NDUFAF6: variants seen among roughly 807,000 people sequenced by gnomAD.
NDUFAF6 encodes NADH dehydrogenase (ubiquinone) complex I, assembly factor 6.
A neutral mutation model predicts 40.8 loss-of-function variants in NDUFAF6; 45 were observed. That is an observed-to-expected ratio of 1.10 (90% CI 0.87 to 1.42). The LOEUF is 1.42. Ranked by LOEUF, NDUFAF6 falls within the 40% of genes most tolerant of loss-of-function variation. The pLI is 0.00. For synonymous variants in NDUFAF6, 185 were observed against 155.9 expected, an observed-to-expected ratio of 1.19 and a Z score of -1.39; for missense variants, 435 against 418.5, an observed-to-expected ratio of 1.04 and a Z score of -0.34.
chr8:94,943,276 C>T (rs1821714208), intron 1 of NDUFAF6, among the ~76,000 whole-genome samples: 1 of 152,082 alleles, frequency 6.6e-6, no homozygotes, highest in Non-Finnish European at 1.5e-5. Flanking sequence ...AATGCTTGAG[C>T]CTAGGAGTTG....
At chr8:95,081,610 C>T (rs747248637) in intron 2 of NDUFAF6, among the ~76,000 whole-genome samples, 8 of 152,002 alleles carry the variant, frequency 5.3e-5, no homozygotes, top group East Asian at 1.9e-4. Flanking sequence ...CCACGGACTC[C>T]GATAATACTC....
At chr8:94,992,258 G>T (rs1306991837) in intron 2 of NDUFAF6, among the ~76,000 whole-genome samples, 1 of 152,066 alleles carries the variant, frequency 6.6e-6, no homozygotes, top group Non-Finnish European at 1.5e-5. Flanking sequence ...GAGGCCAAGG[G>T]GGGCAGATCA....
chr8:94,990,807 A>G (rs920259943), intron 2 of NDUFAF6, among the ~76,000 whole-genome samples: 1 of 152,254 alleles, frequency 6.6e-6, no homozygotes, highest in African/African-American at 2.4e-5. Flanking sequence ...GCTCTAGGAC[A>G]CACAAGGGAA....
upstream of NDUFAF6, among the ~76,000 whole-genome samples, chr8:95,022,700 C>T (rs1459247257): frequency 6.6e-6 from 1 of 151,812 alleles, no homozygotes. Context: ...ATGGGGAAGG[C>T]CTTTTTAAAG....
At chr8:94,953,700 A>G (rs2131438126), upstream of NDUFAF6, among the ~76,000 whole-genome samples, 1 of 152,354 alleles carries the variant, frequency 6.6e-6, no homozygotes, top group South Asian at 2.1e-4. Flanking sequence ...CATGAGTGCA[A>G]GTGCCTTTCT....
intron 1 of NDUFAF6, among the ~76,000 whole-genome samples, chr8:94,920,294 A>C (rs528156960): frequency 1.3e-5 from 2 of 152,306 alleles, no homozygotes; most frequent in Admixed American, 1.3e-4. Flanking sequence ...GTAATTTATA[A>C]ATAGAAATAT....
At chr8:95,069,259 C>T (rs1832774002) in intron 9 of NDUFAF6, 1 of 151,824 alleles carries the variant, frequency 6.6e-6, no homozygotes, top group Non-Finnish European at 1.5e-5. Flanking sequence ...CAGAGGTAAA[C>T]AAACAACAAC....
downstream of NDUFAF6, chr8:95,103,591 A>G (rs1809723359): frequency 6.6e-6 from 1 of 152,176 alleles, no homozygotes; most frequent in East Asian, 1.9e-4. Flanking sequence ...GTAGTGTTAA[A>G]CAGCCCACAG....
intron 2 of NDUFAF6, among the ~76,000 whole-genome samples, chr8:95,014,201 C>T (rs957981856): frequency 3.9e-5 from 6 of 152,074 alleles, no homozygotes; most frequent in African/African-American, 1.4e-4. Flanking sequence ...TATGGTAGCC[C>T]TAGGCAACTA....
At chr8:95,110,809 G>A (rs899924185) in intron 4 of NDUFAF6, among the ~76,000 whole-genome samples, 3 of 152,184 alleles carry the variant, frequency 2.0e-5, no homozygotes, top group Admixed American at 1.3e-4. Context: ...GCTCCATCAA[G>A]GTGTTATTGG....
At chr8:94,955,162 A>G (rs1296737809), upstream of NDUFAF6, among the ~76,000 whole-genome samples, 2 of 152,234 alleles carry the variant, frequency 1.3e-5, no homozygotes, top group African/African-American at 4.8e-5. Flanking sequence ...GTCTTTGGTA[A>G]GTGTGTGTTC....
In NDUFAF6 at chr8:94,930,524, A is replaced by G. The variant is rs376629542; in HGVS notation, c.-935-14959A>G. The G allele has an allele frequency of 3.2e-5, 52 of 1,614,236 alleles. No individual in the cohort carries two copies. In the African/African-American group the frequency reaches 6.0e-4, roughly 19 times the overall value. ...GGCAGGGCTGATGAACAACCCAGCC[A>G]TTGTGCTTGACTTGCCGAGGGTGGC... On this transcript the variant is annotated intron_variant, in intron 1 of 14. Transcript: ENST00000396113.
chr8:94,903,022 A>G (rs1326142124), intron 1 of NDUFAF6, among the ~76,000 whole-genome samples: 1 of 152,058 alleles, frequency 6.6e-6, no homozygotes, highest in Non-Finnish European at 1.5e-5. Flanking sequence ...TCTTTTGAAC[A>G]TATACCTAAG....
intron 1 of NDUFAF6, among the ~76,000 whole-genome samples, chr8:94,963,205 G>A (rs1386949547): frequency 6.6e-6 from 1 of 152,178 alleles, no homozygotes; most frequent in African/African-American, 2.4e-5. Flanking sequence ...AGAAAAAGAA[G>A]GTTAGAAAAA....
intron 1 of NDUFAF6, chr8:94,926,938 C>G (rs547774525): frequency 2.8e-4 from 43 of 152,306 alleles, no homozygotes; most frequent in African/African-American, 9.9e-4. Context: ...ATCAGCATGG[C>G]TGATGGCAGT....
upstream of NDUFAF6, among the ~76,000 whole-genome samples, chr8:95,095,954 C>A (rs1481846648): frequency 2.6e-5 from 4 of 152,218 alleles, no homozygotes; most frequent in East Asian, 7.7e-4. Flanking sequence ...CGTGAGCCAC[C>A]GTGCCCGGCT....
intron 4 of NDUFAF6, among the ~76,000 whole-genome samples, chr8:95,109,442 A>G (rs1054016966): frequency 6.6e-6 from 1 of 152,204 alleles, no homozygotes; most frequent in Admixed American, 6.5e-5. Flanking sequence ...ACTTCTTCCC[A>G]TGCAGGCTGT....
downstream of NDUFAF6, among the ~76,000 whole-genome samples, chr8:95,077,781 G>A (rs1288086028): frequency 6.6e-6 from 1 of 152,172 alleles, no homozygotes; most frequent in African/African-American, 2.4e-5. Flanking sequence ...GTCATGAGAA[G>A]TGCCTGTCCC....
chr8:94,991,626 T>C (rs888251353), intron 2 of NDUFAF6, among the ~76,000 whole-genome samples: 1 of 152,204 alleles, frequency 6.6e-6, no homozygotes, highest in Non-Finnish European at 1.5e-5. Context: ...TTTTGTTTCT[T>C]ATCATTCCAG....
Sources: allele counts gnomAD v4.1 joint callset (sites outside exome capture counted in the v4.1 genomes callset), GRCh38; gene constraint gnomAD v4.1.1; transcripts MANE v1.5; gene names NCBI Gene and HGNC (gene_info 2026-07-23, HGNC 2026-07-21).